Variants in TPM4 observed in about 807,000 individuals in gnomAD.
TPM4 encodes tropomyosin alpha-4 chain.
TPM4 carries 17 observed loss-of-function variants against 35.8 expected under a neutral mutation model. That is an observed-to-expected ratio of 0.47 (90% CI 0.32 to 0.71). The LOEUF is 0.71. Among genes scored for constraint, TPM4 ranks in the 30% least tolerant of loss-of-function variants. The pLI, the probability that TPM4 is intolerant of heterozygous loss-of-function variation, is 0.03. For missense variants in TPM4, 240 were observed against 320.9 expected, an observed-to-expected ratio of 0.75 and a Z score of 1.93; for synonymous variants, 120 against 122.9, an observed-to-expected ratio of 0.98 and a Z score of 0.15.
chr19:16,094,368 T>C (rs2090668115), intron 7 of TPM4, among the ~76,000 whole-genome samples: 1 of 151,860 alleles, frequency 6.6e-6, no homozygotes. Context: ...ACCCCGTCTC[T>C]ACCAAAAATA....
At chr19:16,091,028 G>T (rs1382387448) in intron 5 of TPM4, among the ~76,000 whole-genome samples, 1 of 151,992 alleles carries the variant, frequency 6.6e-6, no homozygotes, top group African/African-American at 2.4e-5. Flanking sequence ...GGGGATAGAT[G>T]TAACACCACT....
At chr19:16,083,926 G>A (rs933426294) in intron 2 of TPM4, among the ~76,000 whole-genome samples, 1 of 151,786 alleles carries the variant, frequency 6.6e-6, no homozygotes, top group African/African-American at 2.4e-5. Flanking sequence ...ATGCCATCAT[G>A]CCCAGCTAAT....
chr19:16,089,857 T>TTTTTC (rs543107916), intron 5 of TPM4, among the ~76,000 whole-genome samples: 1 of 151,808 alleles, frequency 6.6e-6, no homozygotes, highest in Non-Finnish European at 1.5e-5. Context: ...TCAGCCTTTT[T>TTTTTC]TTTTCTTTTC....
At chr19:16,077,339 C>G (rs1242575394) in intron 1 of TPM4, 1 of 152,100 alleles carries the variant, frequency 6.6e-6, no homozygotes, top group African/African-American at 2.4e-5. Context: ...CCAGCTGATT[C>G]CTGCGGGAAC....
At position 16,101,292 on chromosome 19, in the gene TPM4, C is replaced by T. The variant is rs1347929536; in HGVS notation, c.693C>T (p.Asn231=). ...AACTTGCCCAGGCCAAAGAAGAGAA[C>T]GTGGGCTTACATCAGACACTGGATC... ...EEKLAQAKEE[N]VGLHQTLDQT... The change falls in exon 8 of 8, where the codon AAC becomes AAT. Residue 231 remains asparagine, a synonymous_variant. Coordinates refer to ENST00000643579, the MANE Select transcript of TPM4 (RefSeq NM_003290.3). 6.2e-6 allele frequency: 10 copies of T among 1,608,264 alleles called. No homozygotes were observed. The highest frequency in any genetic ancestry group is 8.5e-6 in the Non-Finnish European group (10 of 1,177,428).
upstream of TPM4, among the ~76,000 whole-genome samples, chr19:16,072,423 G>A (rs1457955908): frequency 2.0e-5 from 3 of 152,228 alleles, no homozygotes; most frequent in South Asian, 2.1e-4. Context: ...ATGGAGGGAC[G>A]GTAGATGCCC....
At chr19:16,069,418 T>A (rs1599355392) in intron 2 of TPM4, among the ~76,000 whole-genome samples, 2 of 798 alleles carry the variant, frequency 2.5e-3, no homozygotes, top group East Asian at 0.028. Flanking sequence ...TGTGTTTCTG[T>A]TGGTGTGTAT....
intron 7 of TPM4, among the ~76,000 whole-genome samples, chr19:16,094,842 A>C (rs940572731): frequency 5.3e-5 from 8 of 152,196 alleles, no homozygotes; most frequent in Non-Finnish European, 1.2e-4. Flanking sequence ...CCCACCCAGA[A>C]AGGACACATT....
At chr19:16,077,120 C>T (rs2090419131) in intron 1 of TPM4, 1 of 156,808 alleles carries the variant, frequency 6.4e-6, no homozygotes, top group Non-Finnish European at 1.4e-5. Flanking sequence ...GTGGAGCTTC[C>T]ATTGTCTAGG....
At chr19:16,091,502 C>T (rs771979989) in intron 5 of TPM4, among the ~76,000 whole-genome samples, 2 of 152,136 alleles carry the variant, frequency 1.3e-5, no homozygotes, top group South Asian at 2.1e-4. Flanking sequence ...AGGTCCAGCA[C>T]GGTGGCTCAT....
chr19:16,091,975 GGC>G (rs2090632331), intron 5 of TPM4, among the ~76,000 whole-genome samples: 1 of 151,300 alleles, frequency 6.6e-6, no homozygotes, highest in South Asian at 2.1e-4. Context: ...AGAGCAGCCT[GGC>G]TGGCCATCGT....
chr19:16,081,945 C>T lies in TPM4; in HGVS notation c.165C>T (p.Arg55=). The T allele has an allele frequency of 6.2e-7, 1 of 1,606,388 alleles. No individual in the cohort carries two copies. Among genetic ancestry groups the T allele is most frequent in the South Asian group, 1.1e-5 (1 of 90,866 alleles). Residue 55 remains arginine (R), a synonymous_variant, in exon 2 of 8, where the codon CGC becomes CGT. Coordinates refer to ENST00000643579, the MANE Select transcript of TPM4 (RefSeq NM_003290.3). ...AEGDVAALNR[R]IQLVEEELDR... is the part of the protein sequence containing the mutation. ...GTGATGTGGCCGCCCTCAACCGACGCATCCAGCTCGTTGAGGAGGAGTTGG... is the reference window on the plus strand; with the variant it reads ...GTGATGTGGCCGCCCTCAACCGACGTATCCAGCTCGTTGAGGAGGAGTTGG...
intron 5 of TPM4, among the ~76,000 whole-genome samples, chr19:16,092,780 C>T (rs956014408): frequency 6.6e-6 from 1 of 152,202 alleles, no homozygotes; most frequent in Non-Finnish European, 1.5e-5. Context: ...AAGCGATCCA[C>T]CCGCCTTGGC....
At chr19:16,085,079 C>T (rs2090532150) in intron 2 of TPM4, among the ~76,000 whole-genome samples, 1 of 151,942 alleles carries the variant, frequency 6.6e-6, no homozygotes, top group African/African-American at 2.4e-5. Flanking sequence ...AGTGAGACCC[C>T]ATCTCTACAA....
At chr19:16,071,983 G>A (rs369077842), upstream of TPM4, among the ~76,000 whole-genome samples, 29 of 152,306 alleles carry the variant, frequency 1.9e-4, no homozygotes, top group Admixed American at 6.5e-4. Flanking sequence ...CACCAGGCCC[G>A]GCTAATTTTT....
chr19:16,102,954 T>G lies in TPM4; in HGVS notation c.*1608T>G, dbSNP rs2090777471. 1 of 207,292 alleles carries G rather than the reference T, an allele frequency of 4.8e-6. No homozygotes were observed. Among genetic ancestry groups the G allele is most frequent in the Non-Finnish European group, 9.8e-6 (1 of 101,746 alleles). The allele number at this position is 207,292 out of a possible 1,614,324, so 12.8% of individuals were successfully genotyped here. On this transcript the variant is annotated 3_prime_UTR_variant, in exon 8 of 8. Transcript: ENST00000643579. ...ATTCTTGCAACTGTATCATATGTAA[T>G]AGTATCACTTTTTCTACATTTTGGT...
intron 5 of TPM4, 130 bp from the exon 6 acceptor site, chr19:16,093,400 TGGCCAG>T: frequency 1.1e-6 from 1 of 871,134 alleles, no homozygotes; most frequent in Non-Finnish European, 1.8e-6. Flanking sequence ...TTCACCATGT[TGGCCAG>T]GCTGGTCTCG....
Position 16,070,157 on chromosome 19 carries a change from C to T in TPM4, c.114+2419C>T, listed in dbSNP as rs932550483. Among the ~76,000 whole-genome samples the T allele has an allele frequency of 6.6e-6, 1 of 152,102 alleles. No individual in the cohort carries two copies. The highest frequency in any genetic ancestry group is 1.5e-5 in the Non-Finnish European group (1 of 68,000). On this transcript the variant is annotated intron_variant, in intron 2 of 2. Transcript: ENST00000589897. This position sits in a 1 kb window ranked among gnomAD's most constrained non-coding sequence, Gnocchi z 7.4. ...CCTGGAGGCCGGGGCAGGTGGGCTG[C>T]CCGTGGTGGACGGAGGAGAGGGAGG...
chr19:16,069,861 T>C (rs1462572172), intron 2 of TPM4, among the ~76,000 whole-genome samples: 1 of 151,942 alleles, frequency 6.6e-6, no homozygotes, highest in Non-Finnish European at 1.5e-5. Flanking sequence ...CGTGTGCATA[T>C]GGATGTGAGG....
Sources: gnomAD v4.1 joint callset for allele counts (sites outside exome capture counted in the v4.1 genomes callset) on GRCh38, gnomAD v4.1.1 for gene constraint, Gnocchi (gnomAD v3.1) non-coding constraint, MANE v1.5 for transcripts, NCBI Gene and HGNC (gene_info 2026-07-23, HGNC 2026-07-21) for gene names.